The following KLRG2 variants were observed in gnomAD, a reference collection of about 807,000 sequenced individuals.
The protein encoded by KLRG2 is killer cell lectin-like receptor subfamily G member 2.
A neutral mutation model predicts 35.4 loss-of-function variants in KLRG2; 39 were observed. The ratio of observed to expected loss-of-function variants is 1.10; its 90% CI spans 0.85 to 1.44. KLRG2 has a LOEUF of 1.44. KLRG2 is among the 40% of genes most tolerant of loss of function. The pLI is 0.00. For missense variants in KLRG2, 632 were observed against 570.9 expected (o/e 1.11, Z -1.09); for synonymous variants, 283 against 265.8 (o/e 1.06, Z -0.63).
chr7:139,457,176 G>A (rs1215163706), intron 3 of KLRG2, among the ~76,000 whole-genome samples: 1 of 152,180 alleles, frequency 6.6e-6, no homozygotes, highest in Non-Finnish European at 1.5e-5. Context: ...TGTACACTGG[G>A]CAGCTGTTCC....
intron 3 of KLRG2, among the ~76,000 whole-genome samples, chr7:139,466,427 G>T (rs141554268): frequency 6.6e-6 from 1 of 152,092 alleles, no homozygotes; most frequent in Non-Finnish European, 1.5e-5. Flanking sequence ...TCAGGCTCTT[G>T]TTATTTAGTG....
chr7:139,479,540 G>T, intron 3 of KLRG2, 87 bp downstream of exon 3: 1 of 1,313,974 alleles, frequency 7.6e-7, no homozygotes, highest in South Asian at 1.3e-5. Flanking sequence ...TGAAGAGCTG[G>T]ACTCAATCAT....
At chr7:139,434,062 TCC>T in the KLRG2 span, among the ~76,000 whole-genome samples, 2 of 152,126 alleles carry the variant, frequency 1.3e-5, no homozygotes. Context: ...GCTCCTGATG[TCC>T]CAGACACAGG....
At chr7:139,433,378 T>C in the KLRG2 span, among the ~76,000 whole-genome samples, 1 of 151,922 alleles carries the variant, frequency 6.6e-6, no homozygotes, top group Non-Finnish European at 1.5e-5. Context: ...CAGGCTGGAG[T>C]ACAATGGCAC....
chr7:139,479,972 G>A (rs529631418), intron 2 of KLRG2, among the ~76,000 whole-genome samples, 174 bp downstream of exon 2: 1 of 152,378 alleles, frequency 6.6e-6, no homozygotes, highest in South Asian at 2.1e-4. Context: ...GGCACAAGCT[G>A]TATCCAGTGG....
Position 139,479,656 on chromosome 7 carries a change from C to G in KLRG2, c.976G>C (p.Ala326Pro), listed in dbSNP as rs201866297. 1 of 1,613,472 alleles carries G rather than the reference C, an allele frequency of 6.2e-7. No individual in the cohort carries two copies. Among genetic ancestry groups the G allele is most frequent in the Non-Finnish European group, 8.5e-7 (1 of 1,180,002 alleles). Residue 326 changes from alanine to proline, a missense_variant, in exon 3 of 5, where the codon GCT becomes CCT. Physicochemically the swap from Ala to Pro is conservative, Grantham distance 27. Transcript: ENST00000340940. ...ASQAFCSAYHATLPLLSHTQD... is the reference protein window; with the variant it reads ...ASQAFCSAYHPTLPLLSHTQD... ...GTGTGGCTTAGCAGGGGGAGGGTAG[C>G]GTGGTAGGCTGAGCAGAAAGCCTGG...
chr7:139,475,388 A>G (rs1796832124), intron 3 of KLRG2, among the ~76,000 whole-genome samples: 1 of 151,950 alleles, frequency 6.6e-6, no homozygotes, highest in Non-Finnish European at 1.5e-5. Context: ...AAAATTAGCC[A>G]GGCGTGGTGG....
Position 139,480,188 on chromosome 7 carries a change from C to A in KLRG2, c.817G>T (p.Ala273Ser). ...ACCACAATGACAACCCCAGAGACTG[C>A]CAGGAGCACAGCCATGAACGCCAGG... ...WALAFMAVLL[A>S]VSGVVIVVLA... Residue 273 changes from alanine to serine, a missense_variant, in exon 2 of 5, where the codon GCA becomes TCA. Coordinates refer to ENST00000340940, the MANE Select transcript of KLRG2 (RefSeq NM_198508.4). The A allele has an allele frequency of 6.2e-7, 1 of 1,613,754 alleles. No homozygotes were observed. The highest frequency in any genetic ancestry group is 8.5e-7 in the Non-Finnish European group (1 of 1,179,776).
chr7:139,459,323 G>T (rs1182000701), intron 3 of KLRG2, among the ~76,000 whole-genome samples: 1 of 152,180 alleles, frequency 6.6e-6, no homozygotes, highest in Non-Finnish European at 1.5e-5. Flanking sequence ...AGGACAAAAT[G>T]CTATGTTCAT....
chr7:139,469,710 CT>C (rs1796725051), intron 3 of KLRG2, among the ~76,000 whole-genome samples: 2 of 152,338 alleles, frequency 1.3e-5, no homozygotes, highest in South Asian at 4.1e-4. Flanking sequence ...TCCCAAAGTG[CT>C]GGGATTACAG....
intron 3 of KLRG2, among the ~76,000 whole-genome samples, chr7:139,468,405 G>T (rs1314755624): frequency 6.6e-6 from 1 of 152,128 alleles, no homozygotes; most frequent in Non-Finnish European, 1.5e-5. Context: ...ATTACTTTGG[G>T]AAATTCCTTT....
Position 139,480,265 on chromosome 7 carries a change from A to G in KLRG2, c.758-18T>C, listed in dbSNP as rs374092309. 1.4e-5 allele frequency: 20 copies of G among 1,432,882 alleles called. No individual in the cohort carries two copies. The highest frequency in any genetic ancestry group is 2.0e-5 in the Non-Finnish European group (20 of 1,015,168). 88.8% of individuals were successfully genotyped at this position (1,432,882 alleles called of 1,614,324 possible). ...GGGTAGCCCTGGGACGGGGGCAAAC[A>G]GGATAATCAGATTAGTGGAGACCAT... On this transcript the variant is annotated intron_variant, in intron 1 of 4. Transcript: ENST00000340940.
the KLRG2 span, among the ~76,000 whole-genome samples, chr7:139,440,367 C>T: frequency 2.0e-5 from 3 of 148,098 alleles, no homozygotes; most frequent in Non-Finnish European, 4.4e-5. Flanking sequence ...CCACCTCAGC[C>T]TCCCAAAAGT....
At position 139,482,742 on chromosome 7, in the gene KLRG2, C is replaced by T. The variant is rs1312168017; in HGVS notation, c.757+144G>A. 8 of 592,078 alleles carry T rather than the reference C, an allele frequency of 1.4e-5. No individual in the cohort carries two copies. In the South Asian group the frequency reaches 2.5e-4, roughly 19 times the overall value. The allele number at this position is 592,078 out of a possible 1,614,324, so 36.7% of individuals were successfully genotyped here. A position where few individuals can be genotyped will look rare whatever the true frequency, so the allele number is the denominator to read the frequency against. ...TGTTATTGATTGTAAGCCCGAGAGG[C>T]CAGATCGGGTTGGGGATCGGGATGG... On this transcript the variant is annotated intron_variant, in intron 1 of 4. Transcript: ENST00000340940.
At chr7:139,433,943 CCCAGCATCACGT>C in the KLRG2 span, among the ~76,000 whole-genome samples, 2 of 152,092 alleles carry the variant, frequency 1.3e-5, no homozygotes, top group Non-Finnish European at 2.9e-5. Context: ...CAGCATCACG[CCCAGCATCACGT>C]GCGTTTTTTA....
intron 3 of KLRG2, among the ~76,000 whole-genome samples, chr7:139,456,443 G>A (rs1361540366): frequency 6.6e-6 from 1 of 152,092 alleles, no homozygotes; most frequent in Non-Finnish European, 1.5e-5. Context: ...TCGGCTTACT[G>A]CAACCACCGT....
intron 4 of KLRG2, 50 bp from the exon 5 acceptor site, chr7:139,453,757 C>A (rs965484260): frequency 1.2e-6 from 2 of 1,609,076 alleles, no homozygotes; most frequent in African/African-American, 1.3e-5. Context: ...GGTGCCGGGG[C>A]CTTGCTTCCC....
At chr7:139,443,538 A>C in the KLRG2 span, among the ~76,000 whole-genome samples, 1 of 152,154 alleles carries the variant, frequency 6.6e-6, no homozygotes, top group Non-Finnish European at 1.5e-5. Flanking sequence ...CTAGATGTTT[A>C]GAGGATGTAT....
At chr7:139,433,916 G>A in the KLRG2 span, among the ~76,000 whole-genome samples, 1 of 152,262 alleles carries the variant, frequency 6.6e-6, no homozygotes, top group Non-Finnish European at 1.5e-5. Context: ...GAGCACTTCA[G>A]TGTGAGCCAC....
Sources: allele counts gnomAD v4.1 joint callset (sites outside exome capture counted in the v4.1 genomes callset), GRCh38; gene constraint gnomAD v4.1.1; transcripts MANE v1.5; gene names NCBI Gene and HGNC (gene_info 2026-07-23, HGNC 2026-07-21).